Variants in HYAL3 observed in about 807,000 individuals in gnomAD.
The protein encoded by HYAL3 is hyaluronidase 3.
Under a neutral mutation model 29.6 loss-of-function variants are expected in HYAL3, and 25 were observed. The ratio of observed to expected loss-of-function variants is 0.85; its 90% CI spans 0.62 to 1.18. The LOEUF is 1.18. HYAL3 is among the 50% of genes most tolerant of loss of function. HYAL3 has a pLI of 0.00. For missense variants in HYAL3, 442 were observed against 548.4 expected (o/e 0.81, Z 1.94); for synonymous variants, 215 against 218.3 (o/e 0.99, Z 0.13).
rs1483093946 is a variant in HYAL3, at chr3:50,293,084, T to C, written c.*162A>G. The C allele has an allele frequency of 6.9e-6, 10 of 1,440,294 alleles. No homozygotes were observed. Among genetic ancestry groups the C allele is most frequent in the South Asian group, 2.3e-5 (2 of 86,992 alleles). 89.2% of individuals were successfully genotyped at this position (1,440,294 alleles called of 1,614,324 possible). A position where few individuals can be genotyped will look rare whatever the true frequency, so the allele number is the denominator to read the frequency against. On this transcript the variant is annotated 3_prime_UTR_variant, in exon 4 of 4. Transcript: ENST00000336307. ...CAGAGGGCCTCTGGTTTTATAAGCGTTTTTTCTGGCCCCTTCTACCCCTCA... is the reference window on the plus strand; with the variant it reads ...CAGAGGGCCTCTGGTTTTATAAGCGCTTTTTCTGGCCCCTTCTACCCCTCA...
At chr3:50,298,896 G>A (rs1428927350) in intron 1 of HYAL3, 3 of 1,343,238 alleles carry the variant, frequency 2.2e-6, no homozygotes, top group Admixed American at 3.2e-5. Context: ...CCCTAGGGCT[G>A]AGCCCGGGGC....
In HYAL3 at chr3:50,294,852, G is replaced by A. The variant is rs1553710722; in HGVS notation, c.751C>T (p.Leu251=). The part of the protein sequence containing the change: ...LFPSIYLPPR[L]PPAHHQAFVR... ...AAGGCCTGGTGGTGGGCAGGTGGCAGCCTGGGTGGGAGGTAGATGCTGGGG... is the reference window on the plus strand; with the variant it reads ...AAGGCCTGGTGGTGGGCAGGTGGCAACCTGGGTGGGAGGTAGATGCTGGGG... The change falls in exon 2 of 4, where the codon CTG becomes TTG. Residue 251 remains leucine, a synonymous_variant. Coordinates refer to ENST00000336307, the MANE Select transcript of HYAL3 (RefSeq NM_003549.4). 6.5e-7 allele frequency: 1 copy of A among 1,540,468 alleles called. No individual in the cohort carries two copies. Among genetic ancestry groups the A allele is most frequent in the East Asian group, 2.3e-5 (1 of 44,066 alleles).
At position 50,294,818 on chromosome 3, in the gene HYAL3, T is replaced by A. The variant is rs1553710704; in HGVS notation, c.785A>T (p.His262Leu). 1 of 1,527,846 alleles carries A rather than the reference T, an allele frequency of 6.5e-7. No individual in the cohort carries two copies. Among genetic ancestry groups the A allele is most frequent in the East Asian group, 2.3e-5 (1 of 43,986 alleles). 94.6% of individuals were successfully genotyped at this position (1,527,846 alleles called of 1,614,324 possible). ...PPAHHQAFVR[H>L]RLEEAFRVAL... ...CACACGGAAGGCCTCCTCCAGGCGA[T>A]GTCGGACAAAGGCCTGGTGGTGGGC... Residue 262 changes from histidine (H) to leucine (L), a missense_variant, in exon 2 of 4, where the codon CAT (histidine) becomes CTT (leucine). Physicochemically the swap from His to Leu is moderately conservative, Grantham distance 99. Transcript: ENST00000336307.
chr3:50,296,858 T>C, intron 1 of HYAL3: 2 of 1,592,732 alleles, frequency 1.3e-6, no homozygotes, highest in Non-Finnish European at 1.7e-6. Flanking sequence ...CAGGCAGCCG[T>C]CTGCTGGTGA....
At chr3:50,298,766 A>C in intron 1 of HYAL3, 1 of 1,056,990 alleles carries the variant, frequency 9.5e-7, no homozygotes, top group Non-Finnish European at 1.1e-6. Flanking sequence ...GGTCAGTAAC[A>C]GGCACCCCCC....
At position 50,297,768 on chromosome 3, in the gene HYAL3, A is replaced by G; in HGVS notation, c.-18+1445T>C. 1 of 1,260,400 alleles carries G rather than the reference A, an allele frequency of 7.9e-7. No individual in the cohort carries two copies. The highest frequency in any genetic ancestry group is 3.4e-5 in the East Asian group (1 of 29,710). 78.1% of individuals were successfully genotyped at this position (1,260,400 alleles called of 1,614,324 possible). A position where few individuals can be genotyped will look rare whatever the true frequency, so the allele number is the denominator to read the frequency against. On this transcript the variant is annotated intron_variant, in intron 1 of 3. Coordinates refer to ENST00000336307, the MANE Select transcript of HYAL3 (RefSeq NM_003549.4). The surrounding 1 kb of genome is among the most constrained non-coding windows in gnomAD (Gnocchi z 4.3). ...GTGCAGGGGGGACCATGCATACTGG[A>G]ACTGGGGAGTGGTGGGCTGCACTTT...
chr3:50,295,634 G>T lies in HYAL3; in HGVS notation c.-17-15C>A. The T allele has an allele frequency of 6.6e-7, 1 of 1,517,180 alleles. No homozygotes were observed. The highest frequency in any genetic ancestry group is 2.3e-5 in the East Asian group (1 of 43,934). 94.0% of individuals were successfully genotyped at this position (1,517,180 alleles called of 1,614,324 possible). A position where few individuals can be genotyped will look rare whatever the true frequency, so the allele number is the denominator to read the frequency against. On this transcript the variant is annotated splice_polypyrimidine_tract_variant and intron_variant, in intron 1 of 3. Transcript: ENST00000336307. ...AGGATGGAAACCTGCAGGAGAGAGG[G>T]GGGTGTAAGCTTAGAGTCCGCAGCT...
intron 1 of HYAL3, chr3:50,296,258 T>TG: frequency 6.4e-6 from 2 of 311,180 alleles, no homozygotes. Context: ...CTGAGCCAGG[T>TG]GGGGGGTAAA....
chr3:50,292,911 G>C lies in HYAL3; in HGVS notation c.*335C>G. ...TACCGACCTTCGCCAAGATTTTTTGGGGCCCATCTGCCCGTGCACGGCCCA... is the reference window on the plus strand; with the variant it reads ...TACCGACCTTCGCCAAGATTTTTTGCGGCCCATCTGCCCGTGCACGGCCCA... On this transcript the variant is annotated 3_prime_UTR_variant, in exon 4 of 4. Coordinates refer to ENST00000336307, the MANE Select transcript of HYAL3 (RefSeq NM_003549.4). 6.6e-7 allele frequency: 1 copy of C among 1,504,154 alleles called. No individual in the cohort carries two copies. The highest frequency in any genetic ancestry group is 1.1e-5 in the South Asian group (1 of 89,438). The allele number at this position is 1,504,154 out of a possible 1,614,324, so 93.2% of individuals were successfully genotyped here. A position where few individuals can be genotyped will look rare whatever the true frequency, so the allele number is the denominator to read the frequency against.
chr3:50,299,100 G>A, intron 1 of HYAL3, 113 bp downstream of exon 1: 1 of 1,608,236 alleles, frequency 6.2e-7, no homozygotes, highest in Non-Finnish European at 8.5e-7. Flanking sequence ...GCTCGGCATG[G>A]TCTGGAAACG....
intron 1 of HYAL3, chr3:50,296,865 G>A (rs1553711277): frequency 6.3e-7 from 1 of 1,596,260 alleles, no homozygotes; most frequent in Non-Finnish European, 8.5e-7. Flanking sequence ...CCGTCTGCTG[G>A]TGAAGACCAG....
chr3:50,297,087 A>C lies in HYAL3; in HGVS notation c.-17-1468T>G. On this transcript the variant is annotated intron_variant, in intron 1 of 3. Coordinates refer to ENST00000336307, the MANE Select transcript of HYAL3 (RefSeq NM_003549.4). The surrounding 1 kb of genome is among the most constrained non-coding windows in gnomAD (Gnocchi z 4.3). Reference sequence around the variant, plus strand: ...CTGGGGCTGGTTCAGCACCCGTGACAGGCGGGCATGGCCCACCACAACGGG... The same window carrying C: ...CTGGGGCTGGTTCAGCACCCGTGACCGGCGGGCATGGCCCACCACAACGGG... The C allele has an allele frequency of 6.5e-7, 1 of 1,541,156 alleles. No individual in the cohort carries two copies. The highest frequency in any genetic ancestry group is 1.3e-5 in the South Asian group (1 of 79,952).
chr3:50,296,253 C>T (rs923686378), intron 1 of HYAL3: 1 of 315,858 alleles, frequency 3.2e-6, no homozygotes, highest in Admixed American at 4.5e-5. Flanking sequence ...GTCTCCTGAG[C>T]CAGGTGGGGG....
rs782501680 is a variant in HYAL3 at position 50,297,030 on chromosome 3, C to T, written c.-17-1411G>A. 3.0e-5 allele frequency: 46 copies of T among 1,539,816 alleles called. No homozygotes were observed. The Middle Eastern group carries it at 1.2e-3, about 41-fold the overall frequency. ...GCCAAAGCCACGGCCCCTCAGGGCC[C>T]GGGCCACCACCACTGTCTCCACTAA... On this transcript the variant is annotated intron_variant, in intron 1 of 3. Coordinates refer to ENST00000336307, the MANE Select transcript of HYAL3 (RefSeq NM_003549.4). The surrounding 1 kb of genome is among the most constrained non-coding windows in gnomAD (Gnocchi z 4.3).
chr3:50,299,145 T>C (rs1702009957), intron 1 of HYAL3, 68 bp downstream of exon 1: 1 of 1,613,556 alleles, frequency 6.2e-7, no homozygotes, highest in Non-Finnish European at 8.5e-7. Flanking sequence ...CAGGGTGGCA[T>C]GGCCACTTGG....
rs1242306479 is a variant in HYAL3 at position 50,295,344 on chromosome 3, T to A, written c.259A>T (p.Arg87Trp). 95 of 1,614,078 alleles carry A rather than the reference T, an allele frequency of 5.9e-5. No homozygotes were observed. The highest frequency in any genetic ancestry group is 7.7e-5 in the Non-Finnish European group (91 of 1,180,044). ...QLGLYPYFGPRGTAHNGGIPQ... is the reference protein window; with the variant it reads ...QLGLYPYFGPWGTAHNGGIPQ... Reference sequence around the variant, plus strand: ...ATGCCCCCATTGTGAGCTGTGCCCCTGGGTCCAAAGTAGGGATAGAGGCCG... The same window carrying A: ...ATGCCCCCATTGTGAGCTGTGCCCCAGGGTCCAAAGTAGGGATAGAGGCCG... Residue 87 changes from arginine (R) to tryptophan (W), a missense_variant, in exon 2 of 4, where the codon AGG becomes TGG. Physicochemically the swap from Arg to Trp is moderately radical, Grantham distance 101. Coordinates refer to ENST00000336307, the MANE Select transcript of HYAL3 (RefSeq NM_003549.4).
At chr3:50,295,887 G>T in intron 1 of HYAL3, 1 of 451,770 alleles carries the variant, frequency 2.2e-6, no homozygotes, top group Non-Finnish European at 4.0e-6. Context: ...TTCCGTCTTT[G>T]TCAATACACC....
chr3:50,295,540 C>G lies in HYAL3; in HGVS notation c.63G>C (p.Gln21His), dbSNP rs782069696. Residue 21 changes from glutamine (Q) to histidine (H), a missense_variant, in exon 2 of 4, where the codon CAG (glutamine) becomes CAC (histidine). Gln to His is a conservative substitution (Grantham distance 24, BLOSUM62 0). Coordinates refer to ENST00000336307, the MANE Select transcript of HYAL3 (RefSeq NM_003549.4). Reference protein sequence around the residue: ...LGVALCLGCGQPLPQVPERPF... With the variant: ...LGVALCLGCGHPLPQVPERPF... ...GGCGTTCAGGGACCTGTGGTAGGGGCTGGCCACAACCCAGGCACAGGGCCA... is the reference window on the plus strand; with the variant it reads ...GGCGTTCAGGGACCTGTGGTAGGGGGTGGCCACAACCCAGGCACAGGGCCA... The G allele has an allele frequency of 1.7e-5, 27 of 1,589,494 alleles. No individual in the cohort carries two copies. Among genetic ancestry groups the G allele is most frequent in the Non-Finnish European group, 2.3e-5 (27 of 1,165,290 alleles).
chr3:50,293,391 C>T lies in HYAL3; in HGVS notation c.1109G>A (p.Arg370Gln), dbSNP rs141011866. ...RCHGHGRCAR[R>Q]DPGQMEAFLH... ...AAAGGCTTCCATCTGTCCTGGATCT[C>T]GCCGGGCACAGCGCCCGTGGCCATG... Residue 370 changes from arginine to glutamine, a missense_variant, in exon 4 of 4, where the codon CGA becomes CAA. Arg to Gln is a conservative substitution (Grantham distance 43). Transcript: ENST00000336307. 1.2e-5 allele frequency: 19 copies of T among 1,613,524 alleles called. No individual in the cohort carries two copies. The highest frequency in any genetic ancestry group is 8.8e-5 in the South Asian group (8 of 91,094).
Sources: gnomAD v4.1 joint callset for allele counts on GRCh38, gnomAD v4.1.1 for gene constraint, Gnocchi (gnomAD v3.1) non-coding constraint, MANE v1.5 for transcripts, NCBI Gene and HGNC (gene_info 2026-07-23, HGNC 2026-07-21) for gene names.